Variants in GAL3ST1 observed in about 807,000 individuals in gnomAD.
GAL3ST1 encodes galactosylceramide sulfotransferase.
In GAL3ST1, 13 loss-of-function variants were observed where a neutral mutation model predicts 25.0. The observed-to-expected ratio is 0.52, with a 90% confidence interval of 0.34 to 0.83. The LOEUF (loss-of-function observed/expected upper bound fraction) is 0.83. Ranked by LOEUF, GAL3ST1 falls within the 40% of genes least tolerant of loss-of-function variation. GAL3ST1 has a pLI of 0.02. For missense variants in GAL3ST1, 474 were observed against 613.6 expected (o/e 0.77, Z 2.40); for synonymous variants, 274 against 277.8 (o/e 0.99, Z 0.14).
Position 30,554,897 on chromosome 22 carries a change from T to A in GAL3ST1, c.*56A>T. ...GGGGCGGCCAGCACCAGCGGCGTCC[T>A]GCTCAGCCCCTCTGCAGGGAGCGAG... On this transcript the variant is annotated 3_prime_UTR_variant, in exon 4 of 4. Coordinates refer to ENST00000406361, the MANE Select transcript of GAL3ST1 (RefSeq NM_001318104.2). The A allele has an allele frequency of 7.3e-7, 1 of 1,365,980 alleles. No individual in the cohort carries two copies. Among genetic ancestry groups the A allele is most frequent in the Non-Finnish European group, 9.9e-7 (1 of 1,012,946 alleles). 84.6% of individuals were successfully genotyped at this position (1,365,980 alleles called of 1,614,324 possible). A position where few individuals can be genotyped will look rare whatever the true frequency, so the allele number is the denominator to read the frequency against.
chr22:30,574,513 C>T lies in GAL3ST1; in HGVS notation c.-167G>A, dbSNP rs2086851753. On this transcript the variant is annotated 5_prime_UTR_variant, in exon 1 of 4. Coordinates refer to ENST00000406361, the MANE Select transcript of GAL3ST1 (RefSeq NM_001318104.2). ...TCAGCGTGGCTGGCTCGGCCCGGGC[C>T]GCGCCGCCCGGGCGCTCACTGGGCG... The T allele has an allele frequency of 6.7e-6, 1 of 149,536 alleles. No homozygotes were observed. Among genetic ancestry groups the T allele is most frequent in the Admixed American group, 6.7e-5 (1 of 15,028 alleles). 9.3% of individuals were successfully genotyped at this position (149,536 alleles called of 1,614,324 possible). A position where few individuals can be genotyped will look rare whatever the true frequency, so the allele number is the denominator to read the frequency against.
chr22:30,561,251 G>A (rs866219963), intron 1 of GAL3ST1, among the ~76,000 whole-genome samples: 8 of 152,190 alleles, frequency 5.3e-5, no homozygotes, highest in Admixed American at 4.6e-4. Flanking sequence ...GCCCCCATTT[G>A]CTATTTCTCA....
chr22:30,555,995 T>C lies in GAL3ST1; in HGVS notation c.230A>G (p.Asn77Ser). 2.5e-6 allele frequency: 4 copies of C among 1,612,862 alleles called. No individual in the cohort carries two copies. Among genetic ancestry groups the C allele is most frequent in the South Asian group, 1.1e-5 (1 of 91,082 alleles). ...GSAGECQPRR[N>S]IVFLKTHKTA... ...CTTGTGCGTCTTCAAGAACACGATGTTGCGCCGCGGCTGGCACTCCCCCGC... is the reference window on the plus strand; with the variant it reads ...CTTGTGCGTCTTCAAGAACACGATGCTGCGCCGCGGCTGGCACTCCCCCGC... The change falls in exon 4 of 4, where the codon AAC (asparagine) becomes AGC (serine). Residue 77 changes from asparagine to serine, a missense_variant. Transcript: ENST00000406361. This position sits in a 1 kb window ranked among gnomAD's most constrained non-coding sequence, Gnocchi z 8.6.
rs67031445 is a variant in GAL3ST1 at position 30,570,977 on chromosome 22, T to TACACACACACAC, written c.-120+3477_-120+3488dup. 1.9e-3 allele frequency among the ~76,000 whole-genome samples: 278 copies of TACACACACACAC among 146,182 alleles called. 2 individuals are homozygous for TACACACACACAC. The highest frequency in any genetic ancestry group is 0.016 in the East Asian group (78 of 4,902). On this transcript the variant is annotated intron_variant, in intron 1 of 3. Transcript: ENST00000406361. The stretch of plus-strand genomic sequence containing the variant: ...GGAACATATTTTGATTCTGTGATGA[T>TACACACACACAC]ACACACACACACACACACACACACA...
intron 2 of GAL3ST1, chr22:30,557,747 AAGAAAC>A: frequency 5.1e-6 from 1 of 194,416 alleles, no homozygotes; most frequent in Non-Finnish European, 1.0e-5. Context: ...ATAAAAGAAA[AAGAAAC>A]AGAAGAAAAA....
At chr22:30,561,381 T>C (rs1436993586) in intron 1 of GAL3ST1, among the ~76,000 whole-genome samples, 1 of 152,022 alleles carries the variant, frequency 6.6e-6, no homozygotes, top group East Asian at 1.9e-4. Flanking sequence ...GGGGCCTGCC[T>C]CTCCAGAGCA....
At position 30,554,952 on chromosome 22, in the gene GAL3ST1, G is replaced by A. The variant is rs1237912285; in HGVS notation, c.*1C>T. The A allele has an allele frequency of 6.4e-6, 10 of 1,557,358 alleles. No individual in the cohort carries two copies. Among genetic ancestry groups the A allele is most frequent in the Non-Finnish European group, 8.7e-6 (10 of 1,145,996 alleles). On this transcript the variant is annotated 3_prime_UTR_variant, in exon 4 of 4. Transcript: ENST00000406361. ...CAGGCAAGCCGCTGGGCGGTGGGAC[G>A]TCACCACCGCAGGAAATCGCGAATG...
At chr22:30,572,754 T>C (rs942911260) in intron 1 of GAL3ST1, 2 of 152,300 alleles carry the variant, frequency 1.3e-5, no homozygotes, top group African/African-American at 4.8e-5. Flanking sequence ...TGCTCTGCCC[T>C]GTTTGGAGTC....
rs761651256 is a variant in GAL3ST1 at position 30,555,067 on chromosome 22, G to A, written c.1158C>T (p.His386=). 2.5e-6 allele frequency: 4 copies of A among 1,612,570 alleles called. No homozygotes were observed. Among genetic ancestry groups the A allele is most frequent in the Non-Finnish European group, 3.4e-6 (4 of 1,179,536 alleles). Residue 386 remains histidine, a synonymous_variant, in exon 4 of 4, where the codon CAC becomes CAT. Transcript: ENST00000406361. This position sits in a 1 kb window ranked among gnomAD's most constrained non-coding sequence, Gnocchi z 8.6. The stretch of plus-strand genomic sequence containing the variant: ...TGAGCATGCGCCGGCAGAGCTGCGC[G>A]TGCCGCTGCCCGATGCTCTTCTTGA... ...YNLKKSIGQR[H]AQLCRRMLTP...
Position 30,556,000 on chromosome 22 carries a change from C to A in GAL3ST1, c.225G>T (p.Arg75=). ...GCGTCTTCAAGAACACGATGTTGCG[C>A]CGCGGCTGGCACTCCCCCGCCGAGC... ...ANGSAGECQP[R]RNIVFLKTHK... The change falls in exon 4 of 4, where the codon CGG becomes CGT. Residue 75 remains arginine (R), a synonymous_variant. Transcript: ENST00000406361. The surrounding 1 kb of genome is among the most constrained non-coding windows in gnomAD (Gnocchi z 8.6). 3.7e-6 allele frequency: 6 copies of A among 1,612,106 alleles called. No individual in the cohort carries two copies. The highest frequency in any genetic ancestry group is 5.1e-6 in the Non-Finnish European group (6 of 1,179,918).
chr22:30,570,375 A>G (rs2086745062), intron 1 of GAL3ST1, among the ~76,000 whole-genome samples: 1 of 152,216 alleles, frequency 6.6e-6, no homozygotes, highest in Non-Finnish European at 1.5e-5. Context: ...ATGTGGCTCA[A>G]AGATAATCTA....
At chr22:30,556,244 C>A in intron 3 of GAL3ST1, 151 bp from the exon 4 acceptor site, 2 of 650,408 alleles carry the variant, frequency 3.1e-6, no homozygotes, top group East Asian at 2.7e-5. Flanking sequence ...TGGGTGCCTG[C>A]GCGGGTGGTT....
chr22:30,571,000 A>ACG (rs2086767743), intron 1 of GAL3ST1, among the ~76,000 whole-genome samples: 1 of 151,930 alleles, frequency 6.6e-6, no homozygotes, highest in African/African-American at 2.4e-5. Context: ...ACACACACAC[A>ACG]CACACACACA....
rs151244258 is a variant in GAL3ST1 at position 30,556,021 on chromosome 22, C to T, written c.204G>A (p.Ser68=). The T allele has an allele frequency of 5.5e-4, 890 of 1,611,414 alleles. 4 individuals are homozygous for T. In the African/African-American group the frequency reaches 0.01, roughly 19 times the overall value. ...EPEAVIRANG[S]AGECQPRRNI... ...TGCGCCGCGGCTGGCACTCCCCCGCCGAGCCGTTGGCCCGGATCACTGCCT... is the reference window on the plus strand; with the variant it reads ...TGCGCCGCGGCTGGCACTCCCCCGCTGAGCCGTTGGCCCGGATCACTGCCT... Residue 68 remains serine (S), a synonymous_variant, in exon 4 of 4, where the codon TCG becomes TCA. Coordinates refer to ENST00000406361, the MANE Select transcript of GAL3ST1 (RefSeq NM_001318104.2).
At chr22:30,561,798 G>A (rs1015499527) in intron 1 of GAL3ST1, among the ~76,000 whole-genome samples, 12 of 152,138 alleles carry the variant, frequency 7.9e-5, no homozygotes, top group African/African-American at 1.4e-4. Context: ...CGTCCCTCCC[G>A]TGCCAGCCAC....
chr22:30,566,415 C>T (rs533361390), intron 1 of GAL3ST1, among the ~76,000 whole-genome samples: 22 of 152,314 alleles, frequency 1.4e-4, no homozygotes, highest in Admixed American at 1.4e-3. Flanking sequence ...TTGTTATCAC[C>T]TCCATTTTAT....
At chr22:30,573,871 A>G (rs1244115060) in intron 1 of GAL3ST1, among the ~76,000 whole-genome samples, 1 of 152,194 alleles carries the variant, frequency 6.6e-6, no homozygotes, top group Non-Finnish European at 1.5e-5. Context: ...GCACTGGGCT[A>G]GGAAACAGGA....
At chr22:30,557,637 G>A (rs42927) in intron 2 of GAL3ST1, 6,455 of 427,096 alleles carry the variant, frequency 0.015, 71 homozygotes, top group Non-Finnish European at 0.022. Flanking sequence ...GGGGAATGGG[G>A]CAGGGAGAAG....
chr22:30,566,874 G>T (rs1260506530), intron 1 of GAL3ST1, among the ~76,000 whole-genome samples: 1 of 152,186 alleles, frequency 6.6e-6, no homozygotes, highest in Non-Finnish European at 1.5e-5. Flanking sequence ...CTCCCAAAGT[G>T]CTGGGATTAC....
Sources: gnomAD v4.1 joint callset for allele counts (sites outside exome capture counted in the v4.1 genomes callset) on GRCh38, gnomAD v4.1.1 for gene constraint, Gnocchi (gnomAD v3.1) non-coding constraint, MANE v1.5 for transcripts, NCBI Gene and HGNC (gene_info 2026-07-23, HGNC 2026-07-21) for gene names.